SLC35F3: variants seen among roughly 807,000 people sequenced by gnomAD.
SLC35F3 encodes the protein solute carrier family 35 member F3.
SLC35F3 carries 25 observed loss-of-function variants against 49.9 expected under a neutral mutation model. That is an observed-to-expected ratio of 0.50 (90% CI 0.37 to 0.70). The LOEUF (loss-of-function observed/expected upper bound fraction) is 0.70. SLC35F3 is among the 30% of genes least tolerant of loss of function. SLC35F3 has a pLI of 0.00. For missense variants in SLC35F3, 525 were observed against 639.8 expected, an observed-to-expected ratio of 0.82 and a Z score of 1.94; for synonymous variants, 275 against 265.4, an observed-to-expected ratio of 1.04 and a Z score of -0.35.
chr1:234,309,015 TA>T (rs11359233), intron 3 of SLC35F3, 85 bp from the exon 4 acceptor site: 334,107 of 946,948 alleles, frequency 0.35, 29,322 homozygotes, highest in African/African-American at 0.66. Context: ...TATATTTGCT[TA>T]AAAAAAAAAA....
chr1:234,267,269 T>C, intron 3 of SLC35F3, among the ~76,000 whole-genome samples: 2 of 125,556 alleles, frequency 1.6e-5, no homozygotes, highest in Admixed American at 8.0e-5. Flanking sequence ...AAGTCTCCCA[T>C]GTCTACTTCT....
chr1:234,257,158 G>A (rs920403348), intron 3 of SLC35F3, among the ~76,000 whole-genome samples: 1 of 152,146 alleles, frequency 6.6e-6, no homozygotes, highest in Non-Finnish European at 1.5e-5. Context: ...AACTATAATA[G>A]TGCAACATAT....
chr1:234,269,972 C>T (rs1668072409), intron 3 of SLC35F3, among the ~76,000 whole-genome samples: 2 of 152,120 alleles, frequency 1.3e-5, no homozygotes, highest in Non-Finnish European at 2.9e-5. Flanking sequence ...AAACCATGAG[C>T]TAAACAAACC....
chr1:233,921,927 A>G (rs1662069290), intron 2 of SLC35F3, among the ~76,000 whole-genome samples: 2 of 152,050 alleles, frequency 1.3e-5, no homozygotes, highest in African/African-American at 2.4e-5. Flanking sequence ...TTTGCTCAGA[A>G]TGATGGTTTC....
intron 3 of SLC35F3, among the ~76,000 whole-genome samples, chr1:234,258,795 T>C (rs760782913): frequency 2.0e-5 from 3 of 152,252 alleles, no homozygotes; most frequent in Non-Finnish European, 4.4e-5. Flanking sequence ...AGATCATGTC[T>C]GGGTCAGTAC....
rs59089092 is a variant in SLC35F3, at chr1:234,155,782, CA to C, written c.284-75625del. Among the ~76,000 whole-genome samples, 413 of 142,688 alleles carry C rather than the reference CA, an allele frequency of 2.9e-3. 1 individual carries two copies. The highest frequency in any genetic ancestry group is 0.014 in the South Asian group (66 of 4,558). The allele number at this position is 142,688 out of a possible 152,430, so 93.6% of individuals were successfully genotyped here. A position where few individuals can be genotyped will look rare whatever the true frequency, so the allele number is the denominator to read the frequency against. Reference sequence around the variant, plus strand: ...TAGAACTCTACTTCACACAATATACCAAAAAAAAAACCCCAAAAACAAAAAC... The same window carrying C: ...TAGAACTCTACTTCACACAATATACCAAAAAAAAACCCCAAAAACAAAAAC... On this transcript the variant is annotated intron_variant, in intron 2 of 7. Coordinates refer to ENST00000366618, the MANE Select transcript of SLC35F3 (RefSeq NM_173508.4).
chr1:233,944,218 AAAAAAC>A (rs1662476995), intron 2 of SLC35F3, among the ~76,000 whole-genome samples: 4 of 152,360 alleles, frequency 2.6e-5, no homozygotes, highest in African/African-American at 9.6e-5. Context: ...TTGAGACACA[AAAAAAC>A]ATCCAGTAGA....
At chr1:234,322,060 G>A (rs1417963986) in intron 7 of SLC35F3, among the ~76,000 whole-genome samples, 9 of 151,754 alleles carry the variant, frequency 5.9e-5, no homozygotes, top group Admixed American at 1.3e-4. Flanking sequence ...TTAGCCAGGC[G>A]TGGTGGCACC....
chr1:234,120,713 G>A (rs1305025273), intron 2 of SLC35F3, among the ~76,000 whole-genome samples: 2 of 152,216 alleles, frequency 1.3e-5, no homozygotes, highest in African/African-American at 2.4e-5. Flanking sequence ...CTCAGCCAAG[G>A]AGGGGCAGTT....
intron 2 of SLC35F3, among the ~76,000 whole-genome samples, chr1:234,069,035 A>G (rs1664668808): frequency 1.6e-5 from 2 of 123,932 alleles, no homozygotes; most frequent in Admixed American, 9.4e-5. Flanking sequence ...ATATAAAATT[A>G]TATAATTTTA....
At chr1:234,284,567 T>C (rs1449092920) in intron 3 of SLC35F3, among the ~76,000 whole-genome samples, 1 of 152,156 alleles carries the variant, frequency 6.6e-6, no homozygotes, top group Non-Finnish European at 1.5e-5. Context: ...GCCTGGACAA[T>C]GTTGGAAGAC....
intron 2 of SLC35F3, among the ~76,000 whole-genome samples, chr1:234,164,776 T>C (rs1179950046): frequency 3.6e-5 from 5 of 140,302 alleles, no homozygotes; most frequent in Non-Finnish European, 7.5e-5. Flanking sequence ...GAGTTGTGTT[T>C]AGCCATTACT....
rs183675668 is a variant in SLC35F3, at chr1:234,274,944, T to A, written c.609-34157T>A. ...TAAATGAAAAAGAATGAGTTCTCCA[T>A]CAATGCCCTACTTCTTTCTTCATAT... On this transcript the variant is annotated intron_variant, in intron 3 of 7. Transcript: ENST00000366618. Among the ~76,000 whole-genome samples, 7 of 152,292 alleles carry A rather than the reference T, an allele frequency of 4.6e-5. No individual in the cohort carries two copies. In the East Asian group the frequency reaches 1.4e-3, roughly 29 times the overall value.
chr1:234,222,931 A>G (rs897247270), intron 2 of SLC35F3, among the ~76,000 whole-genome samples: 3 of 152,174 alleles, frequency 2.0e-5, no homozygotes, highest in Non-Finnish European at 2.9e-5. Context: ...GCCACAGAAA[A>G]TGGTGAAATT....
intron 2 of SLC35F3, among the ~76,000 whole-genome samples, chr1:234,219,249 G>A (rs1171636160): frequency 1.3e-5 from 2 of 152,110 alleles, no homozygotes; most frequent in East Asian, 1.9e-4. Flanking sequence ...AGGATAAGAC[G>A]GTTATCCTGG....
At chr1:234,049,520 C>G (rs1664343529) in intron 2 of SLC35F3, among the ~76,000 whole-genome samples, 2 of 152,180 alleles carry the variant, frequency 1.3e-5, no homozygotes, top group South Asian at 4.1e-4. Flanking sequence ...GACTTCTAGC[C>G]TCCAGAAATG....
intron 2 of SLC35F3, among the ~76,000 whole-genome samples, chr1:234,167,463 G>A (rs542058021): frequency 6.6e-6 from 1 of 152,248 alleles, no homozygotes; most frequent in East Asian, 1.9e-4. Flanking sequence ...CAAATCCATG[G>A]CTCCTCAGGC....
intron 2 of SLC35F3, among the ~76,000 whole-genome samples, chr1:234,118,001 A>C: frequency 6.6e-6 from 1 of 150,558 alleles, no homozygotes. Flanking sequence ...TGTGAGATAC[A>C]CAGAAAGAGC....
At chr1:234,301,623 CAGTGCAGTAATTCCTCAAGGATCT>C (rs1156232272) in intron 3 of SLC35F3, among the ~76,000 whole-genome samples, 1 of 152,180 alleles carries the variant, frequency 6.6e-6, no homozygotes. Context: ...TTGTGGAATA[CAGTGCAGTAATTCCTCAAGGATCT>C]AGAACCAGAA....
Sources: allele counts gnomAD v4.1 joint callset (sites outside exome capture counted in the v4.1 genomes callset), GRCh38; gene constraint gnomAD v4.1.1; transcripts MANE v1.5; gene names NCBI Gene and HGNC (gene_info 2026-07-23, HGNC 2026-07-21).